PTBP1: variants seen among roughly 807,000 people sequenced by gnomAD.
PTBP1 encodes polypyrimidine tract binding protein 1, also known as polypyrimidine tract-binding protein 1.
In PTBP1, 8 loss-of-function variants were observed where a neutral mutation model predicts 59.8. The ratio of observed to expected loss-of-function variants is 0.13; its 90% CI spans 0.08 to 0.24. The LOEUF is 0.24. PTBP1 is among the 10% of genes least tolerant of loss of function. PTBP1 has a pLI of 1.00. For missense variants in PTBP1, 686 were observed against 767.0 expected, an observed-to-expected ratio of 0.89 and a Z score of 1.25; for synonymous variants, 490 against 320.7, an observed-to-expected ratio of 1.53 and a Z score of -5.64.
intron 13 of PTBP1, among the ~76,000 whole-genome samples, chr19:810,189 C>T (rs1455628073): frequency 6.6e-6 from 1 of 152,212 alleles, no homozygotes; most frequent in Non-Finnish European, 1.5e-5. Context: ...TGCCTGTAAT[C>T]CCAGCTACTT....
At chr19:806,334 G>T (rs1568271545) in intron 9 of PTBP1, 74 bp from the exon 10 acceptor site, 2 of 1,465,614 alleles carry the variant, frequency 1.4e-6, no homozygotes, top group Non-Finnish European at 9.1e-7. Flanking sequence ...GCATGAGGAC[G>T]GGGAGCGTCG....
chr19:806,496 C>A lies in PTBP1; in HGVS notation c.1059C>A (p.Ala353=). Residue 353 remains alanine (A), a synonymous_variant, in exon 10 of 15, where the codon GCC becomes GCA. Transcript: ENST00000356948. ...CAGCTGCGGCGGCAGGTCGGATCGC[C>A]ATCCCGGGCCTGGCGGGGGCAGGAA... The part of the protein sequence containing the change: ...AAAAAAAGRI[A]IPGLAGAGNS... 1 of 1,578,742 alleles carries A rather than the reference C, an allele frequency of 6.3e-7. No individual in the cohort carries two copies. Among genetic ancestry groups the A allele is most frequent in the Non-Finnish European group, 8.6e-7 (1 of 1,165,110 alleles).
intron 10 of PTBP1, 125 bp downstream of exon 10, chr19:806,681 C>T (rs1599236348): frequency 3.3e-6 from 3 of 908,772 alleles, no homozygotes; most frequent in Admixed American, 4.0e-5. Flanking sequence ...CCTGGCAGCC[C>T]CTCTGCTGCA....
rs778103832 is a variant in PTBP1, at chr19:804,580, C to T, written c.484C>T (p.Leu162=). ...QAVNSVQSGN[L]ALAASAAAVD... is the part of the protein sequence containing the mutation. ...GGTGAACTCGGTCCAGTCGGGGAAC[C>T]TGGCCTTGGCTGCCTCGGCGGCGGC... is the stretch of plus-strand genomic sequence containing the variant. Residue 162 remains leucine, a synonymous_variant, in exon 6 of 15, where the codon CTG becomes TTG. Coordinates refer to ENST00000356948, the MANE Select transcript of PTBP1 (RefSeq NM_002819.5). The T allele has an allele frequency of 6.2e-7, 1 of 1,610,636 alleles. No homozygotes were observed. The highest frequency in any genetic ancestry group is 1.1e-5 in the South Asian group (1 of 90,990).
rs571631532 is a variant in PTBP1 at position 812,166 on chromosome 19, C to T, written c.*1340C>T. The T allele has an allele frequency of 6.6e-6, 1 of 152,576 alleles. No individual in the cohort carries two copies. The highest frequency in any genetic ancestry group is 2.1e-4 in the South Asian group (1 of 4,830). The allele number at this position is 152,576 out of a possible 1,614,324, so 9.5% of individuals were successfully genotyped here. A position where few individuals can be genotyped will look rare whatever the true frequency, so the allele number is the denominator to read the frequency against. On this transcript the variant is annotated 3_prime_UTR_variant, in exon 15 of 15. Coordinates refer to ENST00000356948, the MANE Select transcript of PTBP1 (RefSeq NM_002819.5). ...AGGGGACCCCACGCACATTCCGTTG[C>T]CTTACCCGATGGCTTGTGACGCGGA...
intron 2 of PTBP1, among the ~76,000 whole-genome samples, chr19:799,780 C>G (rs947469691): frequency 1.3e-5 from 2 of 152,202 alleles, no homozygotes; most frequent in African/African-American, 4.8e-5. Flanking sequence ...AGTGGGAAAC[C>G]TCATGTTGTG....
chr19:803,697 C>A (rs351983), intron 3 of PTBP1, 61 bp downstream of exon 3: 3 of 1,435,844 alleles, frequency 2.1e-6, no homozygotes. Flanking sequence ...AACAACGTTA[C>A]GTTCTTGTTC....
rs770691295 is a variant in PTBP1, at chr19:810,805, C to T, written c.1653C>T (p.Ser551=). 6 of 1,587,604 alleles carry T rather than the reference C, an allele frequency of 3.8e-6. No individual in the cohort carries two copies. Among genetic ancestry groups the T allele is most frequent in the Admixed American group, 1.9e-5 (1 of 53,504 alleles). ...DLGENHHLRV[S]FSKSTI ...GGGAGAACCACCACCTGCGGGTCTC[C>T]TTCTCCAAGTCCACCATCTAGGGGC... Residue 551 remains serine (S), a synonymous_variant, in exon 15 of 15, where the codon TCC becomes TCT. Coordinates refer to ENST00000356948, the MANE Select transcript of PTBP1 (RefSeq NM_002819.5).
rs563570522 is a variant in PTBP1, at chr19:808,161, C to G, written c.1154-199C>G. On this transcript the variant is annotated intron_variant, in intron 11 of 14. Transcript: ENST00000356948. The surrounding 1 kb of genome is among the most constrained non-coding windows in gnomAD (Gnocchi z 4.7). ...GCCACCCGCTGGCAGCTTACCTGTCCTGGATGCTATGACTTTGCTGAACGG... is the reference window on the plus strand; with the variant it reads ...GCCACCCGCTGGCAGCTTACCTGTCGTGGATGCTATGACTTTGCTGAACGG... 3.1e-6 allele frequency: 2 copies of G among 639,022 alleles called. No individual in the cohort carries two copies. Among genetic ancestry groups the G allele is most frequent in the East Asian group, 2.7e-5 (1 of 36,756 alleles). The allele number at this position is 639,022 out of a possible 1,614,324, so 39.6% of individuals were successfully genotyped here.
rs2145029060 is a variant in PTBP1, at chr19:808,845, T to C, written c.1463+83T>C. 4 of 1,332,650 alleles carry C rather than the reference T, an allele frequency of 3.0e-6. No homozygotes were observed. Among genetic ancestry groups the C allele is most frequent in the Non-Finnish European group, 4.2e-6 (4 of 952,470 alleles). 82.6% of individuals were successfully genotyped at this position (1,332,650 alleles called of 1,614,324 possible). ...TGTCCTACCGCGTCGGTGTGTGGAC[T>C]TCTGGCGTTTCCAGAGTGCAGGTCG... On this transcript the variant is annotated intron_variant, in intron 13 of 14. Transcript: ENST00000356948. The surrounding 1 kb of genome is among the most constrained non-coding windows in gnomAD (Gnocchi z 4.7).
Position 812,098 on chromosome 19 carries a change from G to A in PTBP1, c.*1272G>A, listed in dbSNP as rs1191269522. ...TTATGGTGACACAAATGTATATTTT[G>A]CTAACAGCAATTCCAGGCTCAGTAT... is the stretch of plus-strand genomic sequence containing the variant. On this transcript the variant is annotated 3_prime_UTR_variant, in exon 15 of 15. Transcript: ENST00000356948. 1 of 152,512 alleles carries A rather than the reference G, an allele frequency of 6.6e-6. No homozygotes were observed. Among genetic ancestry groups the A allele is most frequent in the East Asian group, 1.9e-4 (1 of 5,188 alleles). The allele number at this position is 152,512 out of a possible 1,614,324, so 9.4% of individuals were successfully genotyped here. A position where few individuals can be genotyped will look rare whatever the true frequency, so the allele number is the denominator to read the frequency against.
Position 797,482 on chromosome 19 carries a change from G to A in PTBP1, c.-16G>A, listed in dbSNP as rs776147325. 26 of 1,592,648 alleles carry A rather than the reference G, an allele frequency of 1.6e-5. No individual in the cohort carries two copies. The African/African-American group carries it at 3.4e-4, about 21-fold the overall frequency. Reference sequence around the variant, plus strand: ...GGCGCCTCCACTCCGTCCCCCGCGGGTCTGCTCTGTGTGCCATGGACGGGT... The same window carrying A: ...GGCGCCTCCACTCCGTCCCCCGCGGATCTGCTCTGTGTGCCATGGACGGGT... On this transcript the variant is annotated 5_prime_UTR_variant, in exon 1 of 15. Coordinates refer to ENST00000356948, the MANE Select transcript of PTBP1 (RefSeq NM_002819.5).
intron 10 of PTBP1, 95 bp downstream of exon 10, chr19:806,651 C>T (rs140748636): frequency 1.6e-6 from 2 of 1,261,096 alleles, no homozygotes; most frequent in Non-Finnish European, 2.1e-6. Context: ...CGCCGCCCCT[C>T]GCTGTGTCTG....
In PTBP1 at chr19:805,085, A is replaced by G; in HGVS notation, c.790A>G (p.Asn264Asp). ...CGACTTTTCCAAGCTCACCAGCCTC[A>G]ACGTCAAGTACAACAATGACAAGAG... Reference protein sequence around the residue: ...RIDFSKLTSLNVKYNNDKSRD... With the variant: ...RIDFSKLTSLDVKYNNDKSRD... The change falls in exon 8 of 15, where the codon AAC becomes GAC. Residue 264 changes from asparagine (N) to aspartate (D), a missense_variant. By Grantham distance (23) the Asn-to-Asp change is conservative. Transcript: ENST00000356948. The G allele has an allele frequency of 6.2e-7, 1 of 1,613,906 alleles. No homozygotes were observed. The highest frequency in any genetic ancestry group is 8.5e-7 in the Non-Finnish European group (1 of 1,179,884).
At chr19:803,144 G>C (rs543585162) in intron 2 of PTBP1, among the ~76,000 whole-genome samples, 85 of 152,346 alleles carry the variant, frequency 5.6e-4, no homozygotes, top group African/African-American at 1.6e-3. Flanking sequence ...GTGCTGCTGG[G>C]GGGGCTGGCT....
intron 1 of PTBP1, among the ~76,000 whole-genome samples, chr19:798,924 C>T (rs758768431): frequency 6.6e-6 from 1 of 152,376 alleles, no homozygotes; most frequent in East Asian, 1.9e-4. Context: ...CTCCTGCTCT[C>T]CTCGGTGGAT....
intron 9 of PTBP1, 111 bp from the exon 10 acceptor site, chr19:806,297 G>GC: frequency 2.4e-6 from 3 of 1,259,052 alleles, no homozygotes; most frequent in Non-Finnish European, 3.1e-6. Flanking sequence ...AGCCAGGGCC[G>GC]CCTCCCGCGC....
rs1028838659 is a variant in PTBP1, at chr19:808,287, G to C, written c.1154-73G>C. On this transcript the variant is annotated intron_variant, in intron 11 of 14. Transcript: ENST00000356948. This position sits in a 1 kb window ranked among gnomAD's most constrained non-coding sequence, Gnocchi z 4.7. ...TGAGCCGGGCCTTGTGGGGGTGCGC[G>C]GGGCCGGGGCTGACGGGGAGATGGG... 1.5e-6 allele frequency: 2 copies of C among 1,296,090 alleles called. No homozygotes were observed. The highest frequency in any genetic ancestry group is 1.5e-5 in the African/African-American group (1 of 68,040). 80.3% of individuals were successfully genotyped at this position (1,296,090 alleles called of 1,614,324 possible). A position where few individuals can be genotyped will look rare whatever the true frequency, so the allele number is the denominator to read the frequency against.
chr19:797,849 C>T (rs1167369772), intron 1 of PTBP1, among the ~76,000 whole-genome samples: 2 of 148,838 alleles, frequency 1.3e-5, no homozygotes, highest in African/African-American at 4.9e-5. Context: ...CCGTCCGGCC[C>T]TCGCGCGCCC....
Sources: allele counts gnomAD v4.1 joint callset (sites outside exome capture counted in the v4.1 genomes callset), GRCh38; gene constraint gnomAD v4.1.1; non-coding constraint Gnocchi (gnomAD v3.1); transcripts MANE v1.5; gene names NCBI Gene and HGNC (gene_info 2026-07-23, HGNC 2026-07-21).